Variants in TRAPPC8 observed in about 807,000 individuals in gnomAD.
The protein encoded by TRAPPC8 is general sporulation gene 1 homolog.
In TRAPPC8, 54 loss-of-function variants were observed where a neutral mutation model predicts 174.3. The ratio of observed to expected loss-of-function variants is 0.31; its 90% CI spans 0.25 to 0.39. The LOEUF is 0.39. Among genes scored for constraint, TRAPPC8 ranks in the 10% least tolerant of loss-of-function variants. The pLI, the probability that TRAPPC8 is intolerant of heterozygous loss-of-function variation, is 1.00. For missense variants in TRAPPC8, 1,531 were observed against 1,699.1 expected, an observed-to-expected ratio of 0.90 and a Z score of 1.74; for synonymous variants, 630 against 579.9, an observed-to-expected ratio of 1.09 and a Z score of -1.24.
intron 4 of TRAPPC8, among the ~76,000 whole-genome samples, chr18:31,915,475 G>A (rs995800267): frequency 7.6e-6 from 1 of 131,280 alleles, no homozygotes; most frequent in Non-Finnish European, 1.7e-5. Flanking sequence ...AAAAAGGGGG[G>A]GGGGGCGCAG....
At chr18:31,909,636 A>G (rs1206630608) in intron 6 of TRAPPC8, 31 bp downstream of exon 6, 3 of 1,580,362 alleles carry the variant, frequency 1.9e-6, no homozygotes, top group Non-Finnish European at 2.6e-6. Flanking sequence ...TTTTCAATCA[A>G]AAGAGAAACT....
intron 12 of TRAPPC8, among the ~76,000 whole-genome samples, chr18:31,880,123 T>TATA (rs1568083188): frequency 1.8e-4 from 10 of 56,010 alleles, no homozygotes; most frequent in East Asian, 3.1e-4. Context: ...ATATATATAT[T>TATA]TTTTTTTTTT....
intron 3 of TRAPPC8, 64 bp from the exon 4 acceptor site, chr18:31,916,510 A>G: frequency 2.8e-6 from 4 of 1,424,482 alleles, no homozygotes; most frequent in Non-Finnish European, 3.7e-6. Context: ...TGTCCTACTG[A>G]GATAAACAGG....
rs1488702975 is a variant in TRAPPC8 at position 31,870,269 on chromosome 18, C to A, written c.2388+103G>T. The stretch of plus-strand genomic sequence containing the variant: ...TTTTTATAACTAAGGAAAAATAAAC[C>A]AAAAAGAAGTATAGCTCACTGAACA... On this transcript the variant is annotated intron_variant, in intron 16 of 28. Transcript: ENST00000283351. The A allele has an allele frequency of 8.4e-6, 9 of 1,066,392 alleles. No homozygotes were observed. In the South Asian group the frequency reaches 1.2e-4, roughly 14 times the overall value. The allele number at this position is 1,066,392 out of a possible 1,614,324, so 66.1% of individuals were successfully genotyped here. A position where few individuals can be genotyped will look rare whatever the true frequency, so the allele number is the denominator to read the frequency against.
intron 19 of TRAPPC8, among the ~76,000 whole-genome samples, chr18:31,859,510 T>A (rs2034212050): frequency 6.6e-6 from 1 of 152,028 alleles, no homozygotes. Flanking sequence ...ATTTTGTTAT[T>A]ACATCCAACA....
At chr18:31,876,911 G>T (rs1191221097) in intron 12 of TRAPPC8, among the ~76,000 whole-genome samples, 2 of 152,176 alleles carry the variant, frequency 1.3e-5, no homozygotes, top group Admixed American at 6.5e-5. Context: ...ACTGAGACAG[G>T]AGATACCACT....
At chr18:31,886,152 T>C (rs1185548819) in intron 12 of TRAPPC8, among the ~76,000 whole-genome samples, 5 of 151,380 alleles carry the variant, frequency 3.3e-5, no homozygotes, top group African/African-American at 4.8e-5. Context: ...ATTACAGGCA[T>C]GCGCCACCAT....
At chr18:31,866,728 T>C in intron 18 of TRAPPC8, 121 bp downstream of exon 18, 1 of 1,135,926 alleles carries the variant, frequency 8.8e-7, no homozygotes. Flanking sequence ...TACATCTGGC[T>C]AAATGTCTTT....
At chr18:31,836,390 T>C (rs534649628) in intron 27 of TRAPPC8, among the ~76,000 whole-genome samples, 2 of 152,198 alleles carry the variant, frequency 1.3e-5, no homozygotes, top group Non-Finnish European at 2.9e-5. Flanking sequence ...ATAGATTCCA[T>C]AGGGTTTTTT....
In TRAPPC8 at chr18:31,870,357, C is replaced by T; in HGVS notation, c.2388+15G>A. On this transcript the variant is annotated intron_variant, in intron 16 of 28. Transcript: ENST00000283351. The stretch of plus-strand genomic sequence containing the variant: ...GTAGCTGAAACATAATTACAAATAC[C>T]TTTTAATAACTTACTAGTTGTTTAA... 1 of 1,596,268 alleles carries T rather than the reference C, an allele frequency of 6.3e-7. No individual in the cohort carries two copies. Among genetic ancestry groups the T allele is most frequent in the Non-Finnish European group, 8.5e-7 (1 of 1,171,608 alleles).
chr18:31,864,803 G>A (rs763522348), intron 18 of TRAPPC8, 22 bp from the exon 19 acceptor site: 2 of 1,585,336 alleles, frequency 1.3e-6, no homozygotes, highest in South Asian at 2.3e-5. Context: ...AACAATCAAT[G>A]CCCTAAAATA....
At chr18:31,888,405 T>C (rs1183921943) in intron 12 of TRAPPC8, among the ~76,000 whole-genome samples, 2 of 152,102 alleles carry the variant, frequency 1.3e-5, no homozygotes, top group Non-Finnish European at 1.5e-5. Flanking sequence ...TGGTGATGCA[T>C]GCCTGTAATC....
intron 2 of TRAPPC8, among the ~76,000 whole-genome samples, chr18:31,930,984 C>T (rs534709349): frequency 1.8e-4 from 27 of 152,240 alleles, no homozygotes; most frequent in Non-Finnish European, 3.7e-4. Flanking sequence ...TACATATTTA[C>T]GCATTTTATA....
chr18:31,849,763 T>A (rs1388520541), intron 24 of TRAPPC8, 24 bp from the exon 25 acceptor site: 1 of 1,559,552 alleles, frequency 6.4e-7, no homozygotes, highest in Non-Finnish European at 8.6e-7. Flanking sequence ...ATCACTTGTG[T>A]TCATAAATGC....
chr18:31,900,278 C>T (rs1469795518), intron 10 of TRAPPC8, among the ~76,000 whole-genome samples: 1 of 152,050 alleles, frequency 6.6e-6, no homozygotes, highest in Non-Finnish European at 1.5e-5. Context: ...AGTAAAGGTT[C>T]CTCACACAGA....
rs976012009 is a variant in TRAPPC8 at position 31,875,542 on chromosome 18, G to C, written c.1729-838C>G. Among the ~76,000 whole-genome samples, 8 of 152,232 alleles carry C rather than the reference G, an allele frequency of 5.3e-5. No individual in the cohort carries two copies. The South Asian group carries it at 1.4e-3, about 28-fold the overall frequency. The stretch of plus-strand genomic sequence containing the variant: ...AGCACAGTAAACACTGCCTGGGCAA[G>C]ACATGACGGGGTTCTCTGCCAGCAT... On this transcript the variant is annotated intron_variant, in intron 12 of 28. Coordinates refer to ENST00000283351, the MANE Select transcript of TRAPPC8 (RefSeq NM_014939.5).
chr18:31,877,976 C>T (rs1436371874), intron 12 of TRAPPC8, among the ~76,000 whole-genome samples: 4 of 150,548 alleles, frequency 2.7e-5, no homozygotes, highest in Non-Finnish European at 5.9e-5. Context: ...GCAGGAAGGG[C>T]AAGGCCCAAT....
At chr18:31,877,334 C>T (rs747726146) in intron 12 of TRAPPC8, among the ~76,000 whole-genome samples, 10 of 152,062 alleles carry the variant, frequency 6.6e-5, no homozygotes, top group South Asian at 4.2e-4. Context: ...TGAGCCTGGC[C>T]GGGCGCGGTG....
chr18:31,903,111 T>C (rs765297180), intron 9 of TRAPPC8, among the ~76,000 whole-genome samples: 2 of 90,514 alleles, frequency 2.2e-5, no homozygotes, highest in South Asian at 6.6e-4. Context: ...ATTGCGCGCG[T>C]GCGTGCGTGC....
Sources: gnomAD v4.1 joint callset for allele counts (sites outside exome capture counted in the v4.1 genomes callset) on GRCh38, gnomAD v4.1.1 for gene constraint, MANE v1.5 for transcripts, NCBI Gene and HGNC (gene_info 2026-07-23, HGNC 2026-07-21) for gene names.